The following SPAG16 variants were observed in gnomAD, a reference collection of about 807,000 sequenced individuals.
The protein encoded by SPAG16 is sperm associated antigen 16.
In SPAG16, 86 loss-of-function variants were observed where a neutral mutation model predicts 80.4. The observed-to-expected ratio is 1.07, with a 90% confidence interval of 0.90 to 1.28. The LOEUF (loss-of-function observed/expected upper bound fraction) is 1.28, where lower values mean the gene tolerates loss of function less well. Ranked by LOEUF, SPAG16 falls within the 50% of genes most tolerant of loss-of-function variation. The pLI, the probability that SPAG16 is intolerant of heterozygous loss-of-function variation, is 0.00. For synonymous variants in SPAG16, 294 were observed against 265.9 expected, an observed-to-expected ratio of 1.11 and a Z score of -1.03; for missense variants, 870 against 765.3, an observed-to-expected ratio of 1.14 and a Z score of -1.61.
At chr2:213,584,711 G>T (rs919792357) in intron 10 of SPAG16, among the ~76,000 whole-genome samples, 1 of 152,132 alleles carries the variant, frequency 6.6e-6, no homozygotes. Flanking sequence ...GCAGGCTCTC[G>T]ACTTTTGGAA....
intron 13 of SPAG16, among the ~76,000 whole-genome samples, chr2:214,086,709 T>C (rs1000749988): frequency 2.0e-5 from 3 of 152,162 alleles, no homozygotes; most frequent in Non-Finnish European, 2.9e-5. Flanking sequence ...TATAGAAGCA[T>C]GAGAACAGAC....
chr2:213,455,775 C>G (rs1351754719), intron 9 of SPAG16, among the ~76,000 whole-genome samples: 1 of 152,164 alleles, frequency 6.6e-6, no homozygotes, highest in Non-Finnish European at 1.5e-5. Flanking sequence ...GGTAATGCTC[C>G]CCTGCCCATG....
At chr2:214,372,310 T>C (rs1559250965) in intron 15 of SPAG16, among the ~76,000 whole-genome samples, 1 of 152,130 alleles carries the variant, frequency 6.6e-6, no homozygotes, top group Non-Finnish European at 1.5e-5. Flanking sequence ...ATGGGACAAA[T>C]AGTGATTTCA....
At chr2:213,296,432 C>T (rs868502642) in intron 2 of SPAG16, among the ~76,000 whole-genome samples, 4 of 152,198 alleles carry the variant, frequency 2.6e-5, no homozygotes, top group African/African-American at 7.2e-5. Flanking sequence ...GTCATCCAGT[C>T]TGCTCTTGTC....
chr2:213,738,057 A>G (rs1422460893), intron 10 of SPAG16, among the ~76,000 whole-genome samples: 1 of 152,142 alleles, frequency 6.6e-6, no homozygotes. Context: ...TTTTCTAAAA[A>G]CTTTAGCATT....
At chr2:214,061,357 T>C (rs566454394) in intron 13 of SPAG16, among the ~76,000 whole-genome samples, 61 of 152,242 alleles carry the variant, frequency 4.0e-4, no homozygotes, top group African/African-American at 1.2e-3. Context: ...ATAATTTCAT[T>C]TGGTGTATTA....
chr2:213,604,400 A>G (rs2061181244), intron 10 of SPAG16, among the ~76,000 whole-genome samples: 2 of 152,174 alleles, frequency 1.3e-5, no homozygotes, highest in East Asian at 1.9e-4. Flanking sequence ...GGCAGAAACC[A>G]TATACATGTA....
At chr2:213,744,990 T>C (rs1380567219) in intron 10 of SPAG16, among the ~76,000 whole-genome samples, 1 of 152,252 alleles carries the variant, frequency 6.6e-6, no homozygotes, top group Non-Finnish European at 1.5e-5. Flanking sequence ...TTTTGGGTAT[T>C]GTATGACATA....
intron 1 of SPAG16, among the ~76,000 whole-genome samples, chr2:213,289,216 C>T (rs1202174282): frequency 6.6e-6 from 1 of 152,188 alleles, no homozygotes; most frequent in Non-Finnish European, 1.5e-5. Context: ...AGATAAATAT[C>T]TTAATCTCTA....
intron 10 of SPAG16, among the ~76,000 whole-genome samples, chr2:213,560,863 A>G (rs946853247): frequency 1.2e-4 from 19 of 152,176 alleles, no homozygotes; most frequent in African/African-American, 4.3e-4. Flanking sequence ...GTTAGCAACC[A>G]TTAACTTTTT....
intron 13 of SPAG16, among the ~76,000 whole-genome samples, chr2:214,035,743 T>C (rs1285320034): frequency 1.3e-5 from 2 of 152,172 alleles, no homozygotes; most frequent in South Asian, 4.1e-4. Context: ...GTAACTGTGC[T>C]CTTGCCTGCT....
intron 9 of SPAG16, among the ~76,000 whole-genome samples, chr2:213,407,637 G>GAGAGAGAGAGAC (rs2068701923): frequency 2.0e-5 from 2 of 98,806 alleles, no homozygotes; most frequent in Admixed American, 2.0e-4. Flanking sequence ...GAGAGAGAGA[G>GAGAGAGAGAGAC]AGACAGACAG....
At chr2:214,182,188 A>G (rs578026759) in intron 15 of SPAG16, among the ~76,000 whole-genome samples, 5 of 151,758 alleles carry the variant, frequency 3.3e-5, no homozygotes, top group Non-Finnish European at 7.4e-5. Context: ...AAAGAAGGGA[A>G]AGTAATAAAA....
At chr2:213,547,919 T>C (rs573013980) in intron 10 of SPAG16, among the ~76,000 whole-genome samples, 1 of 152,224 alleles carries the variant, frequency 6.6e-6, no homozygotes, top group Non-Finnish European at 1.5e-5. Flanking sequence ...GAACTTCATA[T>C]CTACATTGTA....
intron 12 of SPAG16, among the ~76,000 whole-genome samples, chr2:213,962,408 TG>T (rs1232901230): frequency 6.6e-6 from 1 of 152,136 alleles, no homozygotes; most frequent in East Asian, 1.9e-4. Flanking sequence ...TTAACCAGGA[TG>T]GTCTCCATCT....
intron 11 of SPAG16, among the ~76,000 whole-genome samples, chr2:213,921,859 A>G (rs2078239140): frequency 6.6e-6 from 1 of 152,190 alleles, no homozygotes; most frequent in African/African-American, 2.4e-5. Context: ...ATAAGCACTC[A>G]ATGTCTTCTG....
chr2:213,626,150 C>A (rs2061953407), intron 10 of SPAG16, among the ~76,000 whole-genome samples: 1 of 151,764 alleles, frequency 6.6e-6, no homozygotes, highest in Admixed American at 6.6e-5. Context: ...AAGTTCCATA[C>A]AAAAAAGTGT....
chr2:213,666,379 C>G (rs1185529673), intron 10 of SPAG16, among the ~76,000 whole-genome samples: 1 of 152,016 alleles, frequency 6.6e-6, no homozygotes, highest in Non-Finnish European at 1.5e-5. Flanking sequence ...TTCAGCTTGG[C>G]ATATATTAAC....
intron 15 of SPAG16, among the ~76,000 whole-genome samples, chr2:214,261,105 C>G (rs1443819455): frequency 8.2e-5 from 4 of 49,074 alleles, no homozygotes; most frequent in African/African-American, 9.9e-5. Context: ...AAGACTCAGT[C>G]TCAAAAAAAA....
Sources: allele counts gnomAD v4.1 joint callset (sites outside exome capture counted in the v4.1 genomes callset), GRCh38; gene constraint gnomAD v4.1.1; transcripts MANE v1.5; gene names NCBI Gene and HGNC (gene_info 2026-07-23, HGNC 2026-07-21).